OIP5: variants seen among roughly 807,000 people sequenced by gnomAD.
OIP5 encodes the protein protein Mis18-beta.
Under a neutral mutation model 20.3 loss-of-function variants are expected in OIP5, and 24 were observed. The ratio of observed to expected loss-of-function variants is 1.18; its 90% CI spans 0.86 to 1.66. The LOEUF is 1.66. Among genes scored for constraint, OIP5 ranks in the 40% most tolerant of loss-of-function variants. OIP5 has a pLI of 0.00. For missense variants in OIP5, 339 were observed against 289.5 expected (o/e 1.17, Z -1.24); for synonymous variants, 143 against 121.3 (o/e 1.18, Z -1.17).
Position 41,332,557 on chromosome 15 carries a change from G to A in OIP5, c.5C>T (p.Ala2Val), listed in dbSNP as rs566550059. The A allele has an allele frequency of 4.6e-5, 74 of 1,599,202 alleles. 1 individual carries two copies. In the South Asian group the frequency reaches 7.8e-4, roughly 17 times the overall value. The change falls in exon 1 of 5, where the codon GCG becomes GTG. Residue 2 changes from alanine to valine, a missense_variant. Ala to Val is a moderately conservative substitution (Grantham distance 64). Coordinates refer to ENST00000220514, the MANE Select transcript of OIP5 (RefSeq NM_007280.2). ...TGAGCGATGCCGCAGCGGCTGAGCC[G>A]CCATCTTCCCGCAGCCGGCGCCTTC... is the stretch of plus-strand genomic sequence containing the variant. MAAQPLRHRSRC... is the reference protein window; with the variant it reads MVAQPLRHRSRC...
chr15:41,311,826 A>ACAACAACCTCTATCTCGC (rs1555423859), intron 4 of OIP5, among the ~76,000 whole-genome samples: 3 of 144,714 alleles, frequency 2.1e-5, no homozygotes, highest in African/African-American at 2.4e-5. Context: ...TCGGCTTCTC[A>ACAACAACCTCTATCTCGC]AAGTGCTGGG....
intron 2 of OIP5, among the ~76,000 whole-genome samples, chr15:41,322,090 C>A (rs1206979394): frequency 2.0e-5 from 3 of 152,094 alleles, no homozygotes; most frequent in Non-Finnish European, 4.4e-5. Flanking sequence ...CATTACAATT[C>A]TTGAGCAAGT....
At position 41,326,132 on chromosome 15, in the gene OIP5, A is replaced by G. The variant is rs910246045; in HGVS notation, c.389+5783T>C. ...AGCCGAGATAATGCCACTGGACTCT[A>G]GCCTAGGTGACAGAGTGTGACTCCA... is the stretch of plus-strand genomic sequence containing the variant. On this transcript the variant is annotated intron_variant, in intron 2 of 4. Transcript: ENST00000220514. Among the ~76,000 whole-genome samples, 5 of 152,222 alleles carry G rather than the reference A, an allele frequency of 3.3e-5. No individual in the cohort carries two copies. The East Asian group carries it at 5.8e-4, about 18-fold the overall frequency.
At chr15:41,321,232 CCCGT>C (rs2047823940) in intron 2 of OIP5, among the ~76,000 whole-genome samples, 1 of 149,534 alleles carries the variant, frequency 6.7e-6, no homozygotes, top group African/African-American at 2.5e-5. Flanking sequence ...GGCCAGCCGC[CCCGT>C]CCGGGAGGGA....
At chr15:41,322,434 T>C (rs1218676513) in intron 2 of OIP5, among the ~76,000 whole-genome samples, 1 of 152,162 alleles carries the variant, frequency 6.6e-6, no homozygotes, top group Non-Finnish European at 1.5e-5. Context: ...GTTCTTGCTC[T>C]GTCGCCCAGG....
rs142278051 is a variant in OIP5 at position 41,325,107 on chromosome 15, A to C, written c.390-5327T>G. On this transcript the variant is annotated intron_variant, in intron 2 of 4. Coordinates refer to ENST00000220514, the MANE Select transcript of OIP5 (RefSeq NM_007280.2). ...AGTGTTAACAGACATAATGATGAAA[A>C]GGTTTTAAAAACTGCCAGAATTGGC... Among the ~76,000 whole-genome samples the C allele has an allele frequency of 1.6e-3, 242 of 152,284 alleles. 1 individual carries two copies. Among genetic ancestry groups the C allele is most frequent in the African/African-American group, 5.6e-3 (234 of 41,572 alleles).
chr15:41,322,045 T>C (rs1230569477), intron 2 of OIP5, among the ~76,000 whole-genome samples: 2 of 152,208 alleles, frequency 1.3e-5, no homozygotes, highest in African/African-American at 4.8e-5. Flanking sequence ...TCTGAAAAGA[T>C]TACTGATGAA....
intron 2 of OIP5, among the ~76,000 whole-genome samples, chr15:41,330,521 A>G (rs1272740349): frequency 1.3e-5 from 2 of 149,226 alleles, no homozygotes; most frequent in Admixed American, 6.8e-5. Context: ...CTCCTGCCTC[A>G]GTCTCCTGAG....
At chr15:41,330,008 T>TA (rs1267626344) in intron 2 of OIP5, among the ~76,000 whole-genome samples, 7 of 152,162 alleles carry the variant, frequency 4.6e-5, no homozygotes, top group African/African-American at 1.7e-4. Flanking sequence ...AATTTTGCTT[T>TA]AAAAAATAAA....
At chr15:41,324,081 C>T (rs2047846875) in intron 2 of OIP5, among the ~76,000 whole-genome samples, 1 of 150,822 alleles carries the variant, frequency 6.6e-6, no homozygotes, top group Non-Finnish European at 1.5e-5. Flanking sequence ...CAGCCTCGAC[C>T]TCTCTGGGCT....
chr15:41,319,061 C>T (rs1010502920), intron 3 of OIP5, among the ~76,000 whole-genome samples: 10 of 151,458 alleles, frequency 6.6e-5, no homozygotes, highest in Non-Finnish European at 1.5e-4. Context: ...GGTACAAACA[C>T]TTTGTCTTTT....
Position 41,332,429 on chromosome 15 carries a change from T to C in OIP5, c.133A>G (p.Lys45Glu). ...GCGGGGCCGAGCGGCGAGGACCCCT[T>C]CACCACCTGCGTATCCCACTCCATG... ...TSMEWDTQVV[K>E]GSSPLGPAGL... Residue 45 changes from lysine to glutamate, a missense_variant, in exon 1 of 5, where the codon AAG becomes GAG. Physicochemically the swap from Lys to Glu is moderately conservative, Grantham distance 56. Coordinates refer to ENST00000220514, the MANE Select transcript of OIP5 (RefSeq NM_007280.2). 1 of 1,614,036 alleles carries C rather than the reference T, an allele frequency of 6.2e-7. No homozygotes were observed.
chr15:41,332,361 C>A lies in OIP5; in HGVS notation c.201G>T (p.Pro67=). The part of the protein sequence containing the change: ...AEEPAAGPQL[P]SWLQPERCAV... ...CGCACCTCTCAGGCTGCAGCCAAGACGGCAGCTGCGGGCCGGCGGCTGGCT... is the reference window on the plus strand; with the variant it reads ...CGCACCTCTCAGGCTGCAGCCAAGAAGGCAGCTGCGGGCCGGCGGCTGGCT... Residue 67 remains proline (P), a synonymous_variant, in exon 1 of 5, where the codon CCG becomes CCT. Transcript: ENST00000220514. 1 of 1,612,714 alleles carries A rather than the reference C, an allele frequency of 6.2e-7. No homozygotes were observed. Among genetic ancestry groups the A allele is most frequent in the Middle Eastern group, 1.7e-4 (1 of 6,056 alleles).
intron 2 of OIP5, among the ~76,000 whole-genome samples, chr15:41,328,299 G>A (rs769171425): frequency 8.5e-5 from 13 of 152,184 alleles, no homozygotes; most frequent in Non-Finnish European, 1.9e-4. Flanking sequence ...GATTACAGGC[G>A]TGAGCCAGCA....
chr15:41,315,572 AG>A (rs2047784579), intron 3 of OIP5, among the ~76,000 whole-genome samples: 1 of 152,210 alleles, frequency 6.6e-6, no homozygotes, highest in South Asian at 2.1e-4. Flanking sequence ...CGAATCCAAG[AG>A]GAAAAGGCCA....
intron 3 of OIP5, among the ~76,000 whole-genome samples, chr15:41,317,868 C>CAA (rs1360127879): frequency 1.3e-5 from 2 of 152,122 alleles, no homozygotes; most frequent in African/African-American, 4.8e-5. Context: ...TTTGTAGAGA[C>CAA]AGAGTCTTGC....
Position 41,332,292 on chromosome 15 carries a change from C to G in OIP5, c.270G>C (p.Ser90=), listed in dbSNP as rs2047936696. Reference sequence around the variant, plus strand: ...GCGACAGGTCCCAGGCGAGGTGCACCGAGTCGGCGAGCACTGCGTGACACT... The same window carrying G: ...GCGACAGGTCCCAGGCGAGGTGCACGGAGTCGGCGAGCACTGCGTGACACT... ...CAQCHAVLAD[S]VHLAWDLSRS... is the part of the protein sequence containing the mutation. Residue 90 remains serine (S), a synonymous_variant, in exon 1 of 5, where the codon TCG becomes TCC. Coordinates refer to ENST00000220514, the MANE Select transcript of OIP5 (RefSeq NM_007280.2). 1 of 1,579,338 alleles carries G rather than the reference C, an allele frequency of 6.3e-7. No homozygotes were observed.
rs1016508260 is a variant in OIP5 at position 41,319,252 on chromosome 15, T to C, written c.512+406A>G. On this transcript the variant is annotated intron_variant, in intron 3 of 4. Transcript: ENST00000220514. The stretch of plus-strand genomic sequence containing the variant: ...CATGCCCAGCTACTTTTTTTTTTTT[T>C]TCCTTTGGACAGAATCTCACTATGT... Among the ~76,000 whole-genome samples the C allele has an allele frequency of 2.6e-5, 4 of 151,946 alleles. No homozygotes were observed. In the East Asian group the frequency reaches 7.7e-4, roughly 29 times the overall value.
Position 41,331,968 on chromosome 15 carries a change from G to C in OIP5, c.336C>G (p.Asn112Lys). 1.2e-6 allele frequency: 2 copies of C among 1,613,944 alleles called. No homozygotes were observed. The highest frequency in any genetic ancestry group is 2.2e-5 in the East Asian group (1 of 44,874). Residue 112 changes from asparagine to lysine, a missense_variant, in exon 2 of 5, where the codon AAC (asparagine) becomes AAG (lysine). Coordinates refer to ENST00000220514, the MANE Select transcript of OIP5 (RefSeq NM_007280.2). ...CTAGGAAGGGCGCTTCCAAAACGAC[G>C]TTATTTGTAACTCCTAGGAAGACAA... ...GAVVFSRVTN[N>K]VVLEAPFLVG...
Sources: gnomAD v4.1 joint callset for allele counts (sites outside exome capture counted in the v4.1 genomes callset) on GRCh38, gnomAD v4.1.1 for gene constraint, MANE v1.5 for transcripts, NCBI Gene and HGNC (gene_info 2026-07-23, HGNC 2026-07-21) for gene names.